EFTUD2: variants seen among roughly 807,000 people sequenced by gnomAD.
EFTUD2 encodes the protein 116 kDa U5 small nuclear ribonucleoprotein component.
In EFTUD2, 9 loss-of-function variants were observed where a neutral mutation model predicts 114.3. The ratio of observed to expected loss-of-function variants is 0.08; its 90% CI spans 0.05 to 0.14. EFTUD2 has a LOEUF of 0.14. EFTUD2 is among the 10% of genes least tolerant of loss of function. The pLI is 1.00. For synonymous variants in EFTUD2, 449 were observed against 462.3 expected (o/e 0.97, Z 0.37); for missense variants, 765 against 1,241.2 (o/e 0.62, Z 5.76).
At chr17:44,891,704 T>G (rs1394030813) in intron 2 of EFTUD2, 1 of 152,174 alleles carries the variant, frequency 6.6e-6, no homozygotes, top group Admixed American at 6.5e-5. Context: ...AGAGATATAA[T>G]TCACATTCCA....
chr17:44,896,309 A>T (rs1234711687), intron 1 of EFTUD2, among the ~76,000 whole-genome samples: 1 of 152,086 alleles, frequency 6.6e-6, no homozygotes, highest in East Asian at 1.9e-4. Flanking sequence ...CCTCTATCCT[A>T]CTAGAGCTTT....
rs1190285542 is a variant in EFTUD2 at position 44,898,519 on chromosome 17, C to T, written c.-5+850G>A. The stretch of plus-strand genomic sequence containing the variant: ...ACAGGCGTGAGCCACCGCGCCCGGC[C>T]GATTGAAGAAACTGTTATAGAAAGC... On this transcript the variant is annotated intron_variant, in intron 1 of 27. Coordinates refer to ENST00000426333, the MANE Select transcript of EFTUD2 (RefSeq NM_004247.4). 3.3e-5 allele frequency among the ~76,000 whole-genome samples: 5 copies of T among 152,182 alleles called. No homozygotes were observed. The East Asian group carries it at 9.6e-4, about 29-fold the overall frequency.
At chr17:44,860,595 A>ATTTTTTTTTTT in intron 16 of EFTUD2, 52 bp from the exon 17 acceptor site, 1 of 672,038 alleles carries the variant, frequency 1.5e-6, no homozygotes, top group Non-Finnish European at 2.4e-6. Flanking sequence ...GCATTCCCTA[A>ATTTTTTTTTTT]TTTTTTTTTT....
chr17:44,878,954 A>G (rs527701431), intron 9 of EFTUD2, among the ~76,000 whole-genome samples: 1 of 152,296 alleles, frequency 6.6e-6, no homozygotes, highest in African/African-American at 2.4e-5. Flanking sequence ...TTAAAAATCC[A>G]CTTACAAGAA....
intron 20 of EFTUD2, 68 bp downstream of exon 20, chr17:44,857,007 G>C: frequency 1.5e-6 from 2 of 1,316,956 alleles, no homozygotes; most frequent in Non-Finnish European, 2.2e-6. Context: ...TGGGGGTAGA[G>C]GTGGAAGATA....
chr17:44,858,914 G>A (rs1377580839), intron 19 of EFTUD2, among the ~76,000 whole-genome samples, 166 bp downstream of exon 19: 1 of 152,058 alleles, frequency 6.6e-6, no homozygotes. Context: ...ACAGCAGAAG[G>A]GGGCAAACCA....
Position 44,864,993 on chromosome 17 carries a change from G to T in EFTUD2, c.1222C>A (p.Leu408Met). 6.2e-7 allele frequency: 1 copy of T among 1,614,194 alleles called. No individual in the cohort carries two copies. Among genetic ancestry groups the T allele is most frequent in the African/African-American group, 1.3e-5 (1 of 75,048 alleles). The change falls in exon 14 of 28, where the codon CTG (leucine) becomes ATG (methionine). Residue 408 changes from leucine to methionine, a missense_variant. Leu to Met is a conservative substitution (Grantham distance 15, BLOSUM62 2). Transcript: ENST00000426333. ...AGCAAGGGGCGGATGTTCAGCTTCA[G>T]CTCCTCCTTCGTCAGGTGGATGCCA... Reference protein sequence around the residue: ...ELGIHLTKEELKLNIRPLLRL... With the variant: ...ELGIHLTKEEMKLNIRPLLRL...
chr17:44,886,532 G>C, intron 3 of EFTUD2, 53 bp downstream of exon 3: 1 of 1,598,680 alleles, frequency 6.3e-7, no homozygotes, highest in Non-Finnish European at 8.6e-7. Flanking sequence ...TGAGAGCTAT[G>C]AAGTTTCCAG....
At chr17:44,857,002 G>A in intron 20 of EFTUD2, 73 bp downstream of exon 20, 1 of 1,254,082 alleles carries the variant, frequency 8.0e-7, no homozygotes, top group East Asian at 2.3e-5. Flanking sequence ...CATGGTGGGG[G>A]TAGAGGTGGA....
At chr17:44,883,392 G>A (rs2051108190) in intron 5 of EFTUD2, among the ~76,000 whole-genome samples, 1 of 152,186 alleles carries the variant, frequency 6.6e-6, no homozygotes, top group African/African-American at 2.4e-5. Flanking sequence ...AAAAATCAGA[G>A]TAAGGCTCAA....
chr17:44,896,628 C>T (rs76377556), intron 1 of EFTUD2, among the ~76,000 whole-genome samples: 17 of 152,274 alleles, frequency 1.1e-4, no homozygotes, highest in African/African-American at 4.1e-4. Context: ...GCCTGGCTGA[C>T]AGAGTGAGAC....
intron 9 of EFTUD2, among the ~76,000 whole-genome samples, chr17:44,877,707 G>C (rs1259528285): frequency 6.6e-6 from 1 of 152,144 alleles, no homozygotes. Flanking sequence ...CTGGGAGGCT[G>C]AGGCAGGAGA....
intron 19 of EFTUD2, among the ~76,000 whole-genome samples, chr17:44,858,744 G>T (rs1231950181): frequency 6.6e-6 from 1 of 151,968 alleles, no homozygotes; most frequent in African/African-American, 2.4e-5. Context: ...TGCCCGGCCT[G>T]GCTATTTTTT....
chr17:44,881,613 C>T, intron 7 of EFTUD2, 74 bp downstream of exon 7: 5 of 1,526,318 alleles, frequency 3.3e-6, no homozygotes, highest in Non-Finnish European at 3.6e-6. Flanking sequence ...ATAAAGGCTC[C>T]TCTACATTCC....
intron 9 of EFTUD2, among the ~76,000 whole-genome samples, chr17:44,878,640 C>T (rs1292804363): frequency 1.3e-5 from 2 of 152,200 alleles, no homozygotes; most frequent in Non-Finnish European, 2.9e-5. Flanking sequence ...AAATATTTTA[C>T]TTTCAAACAG....
At position 44,896,308 on chromosome 17, in the gene EFTUD2, T is replaced by C. The variant is rs1265465334; in HGVS notation, c.-4-1783A>G. ...TCCTCAATTTCTCATTCCTCTATCC[T>C]ACTAGAGCTTTTTGCACCTTTATCA... is the stretch of plus-strand genomic sequence containing the variant. On this transcript the variant is annotated intron_variant, in intron 1 of 27. Transcript: ENST00000426333. 3.9e-5 allele frequency among the ~76,000 whole-genome samples: 6 copies of C among 152,360 alleles called. No homozygotes were observed. In the South Asian group the frequency reaches 1.0e-3, roughly 26 times the overall value.
At position 44,885,668 on chromosome 17, in the gene EFTUD2, CTTT is replaced by C. The variant is rs35004049; in HGVS notation, c.272-337_272-335del. 7.4e-5 allele frequency among the ~76,000 whole-genome samples: 11 copies of C among 148,682 alleles called. 1 individual carries two copies. The highest frequency in any genetic ancestry group is 7.4e-4 in the Admixed American group (11 of 14,928). On this transcript the variant is annotated intron_variant, in intron 3 of 27. Transcript: ENST00000426333. Reference sequence around the variant, plus strand: ...TCACTTTCCAAAAGATCAATGAAAACTTTTTTTTTTGGGAGACAGGGTTTCACT... The same window carrying C: ...TCACTTTCCAAAAGATCAATGAAAACTTTTTTTGGGAGACAGGGTTTCACT...
At position 44,882,726 on chromosome 17, in the gene EFTUD2, T is replaced by C. The variant is rs865834912; in HGVS notation, c.492+367A>G. On this transcript the variant is annotated intron_variant, in intron 6 of 27. Coordinates refer to ENST00000426333, the MANE Select transcript of EFTUD2 (RefSeq NM_004247.4). ...ATTGCACTGAGACTTGCAGACACAGTTGGCCTCATTCACAGGCATTTAAAT... is the reference window on the plus strand; with the variant it reads ...ATTGCACTGAGACTTGCAGACACAGCTGGCCTCATTCACAGGCATTTAAAT... Among the ~76,000 whole-genome samples the C allele has an allele frequency of 1.1e-4, 17 of 152,222 alleles. 1 individual carries two copies. The highest frequency in any genetic ancestry group is 3.9e-4 in the Admixed American group (6 of 15,284).
Position 44,854,651 on chromosome 17 carries a change from A to G in EFTUD2, c.2164T>C (p.Tyr722His). Residue 722 changes from tyrosine (Y) to histidine (H), a missense_variant, in exon 22 of 28, where the codon TAC becomes CAC. Transcript: ENST00000426333. This position sits in a 1 kb window ranked among gnomAD's most constrained non-coding sequence, Gnocchi z 4.3. ...KKLGEFFQTKYDWDLLAARSI... is the reference protein window; with the variant it reads ...KKLGEFFQTKHDWDLLAARSI... ...CGGGCAGCCAGCAGATCCCAATCGT[A>G]CTTGGTCTGGAAGAACTCTCCCAGC... 6.2e-7 allele frequency: 1 copy of G among 1,614,084 alleles called. No individual in the cohort carries two copies. Among genetic ancestry groups the G allele is most frequent in the Non-Finnish European group, 8.5e-7 (1 of 1,179,996 alleles).
Sources: gnomAD v4.1 joint callset for allele counts (sites outside exome capture counted in the v4.1 genomes callset) on GRCh38, gnomAD v4.1.1 for gene constraint, Gnocchi (gnomAD v3.1) non-coding constraint, MANE v1.5 for transcripts, NCBI Gene and HGNC (gene_info 2026-07-23, HGNC 2026-07-21) for gene names.